PDE1C: variants seen among roughly 807,000 people sequenced by gnomAD.
The protein encoded by PDE1C is dual specificity calcium/calmodulin-dependent 3',5'-cyclic nucleotide phosphodiesterase 1C.
In PDE1C, 62 loss-of-function variants were observed where a neutral mutation model predicts 93.1. That is an observed-to-expected ratio of 0.67 (90% CI 0.54 to 0.82). The LOEUF (loss-of-function observed/expected upper bound fraction) is 0.82. Ranked by LOEUF, PDE1C falls within the 40% of genes least tolerant of loss-of-function variation. The pLI, the probability that PDE1C is intolerant of heterozygous loss-of-function variation, is 0.00. For missense variants in PDE1C, 742 were observed against 884.6 expected, an observed-to-expected ratio of 0.84 and a Z score of 2.04; for synonymous variants, 325 against 310.1, an observed-to-expected ratio of 1.05 and a Z score of -0.50.
chr7:32,030,110 C>CACACACACAT (rs1790116995), intron 2 of PDE1C, among the ~76,000 whole-genome samples: 1 of 150,126 alleles, frequency 6.7e-6, no homozygotes, highest in East Asian at 1.9e-4. Flanking sequence ...CACACACACA[C>CACACACACAT]ACACACACAC....
At chr7:31,761,806 C>T (rs1054179964) in intron 17 of PDE1C, among the ~76,000 whole-genome samples, 11 of 152,240 alleles carry the variant, frequency 7.2e-5, no homozygotes, top group Non-Finnish European at 1.3e-4. Flanking sequence ...TCTTCATCTT[C>T]CATGAGCTAT....
intron 2 of PDE1C, among the ~76,000 whole-genome samples, chr7:32,010,424 T>C (rs750955779): frequency 6.6e-6 from 1 of 152,190 alleles, no homozygotes; most frequent in Non-Finnish European, 1.5e-5. Context: ...AGGCTGAAAC[T>C]ACCGGATTTC....
intron 3 of PDE1C, among the ~76,000 whole-genome samples, chr7:32,083,431 G>T (rs1186559779): frequency 6.6e-6 from 1 of 152,090 alleles, no homozygotes; most frequent in Non-Finnish European, 1.5e-5. Flanking sequence ...CACTCTGCAG[G>T]ATATTATCCA....
intron 16 of PDE1C, among the ~76,000 whole-genome samples, chr7:31,799,717 C>G (rs547624657): frequency 2.0e-5 from 3 of 151,576 alleles, no homozygotes; most frequent in Non-Finnish European, 4.4e-5. Flanking sequence ...ACGCAATAAC[C>G]CTTTTGATCA....
At chr7:31,967,918 C>T (rs1810283552) in intron 2 of PDE1C, among the ~76,000 whole-genome samples, 1 of 152,142 alleles carries the variant, frequency 6.6e-6, no homozygotes, top group Non-Finnish European at 1.5e-5. Flanking sequence ...ATGCTTCATG[C>T]TAAAAACTCT....
chr7:32,236,397 A>C (rs1160253626), intron 1 of PDE1C, among the ~76,000 whole-genome samples: 1 of 152,206 alleles, frequency 6.6e-6, no homozygotes, highest in African/African-American at 2.4e-5. Context: ...AATATTTGCA[A>C]ATGACATATA....
chr7:31,686,901 T>C, the PDE1C span: 2 of 152,200 alleles, frequency 1.3e-5, no homozygotes, highest in Admixed American at 1.3e-4. Flanking sequence ...GTGGCCTCTC[T>C]TGGGCATATC....
chr7:31,623,585 G>A, the PDE1C span, among the ~76,000 whole-genome samples: 6 of 150,478 alleles, frequency 4.0e-5, no homozygotes, highest in African/African-American at 1.5e-4. Flanking sequence ...CAATAAATTA[G>A]GTATTGATGG....
At chr7:31,963,639 A>T (rs906055950) in intron 2 of PDE1C, among the ~76,000 whole-genome samples, 1 of 152,200 alleles carries the variant, frequency 6.6e-6, no homozygotes, top group East Asian at 1.9e-4. Context: ...AAGAAAACCA[A>T]AAAAGATTTT....
At chr7:31,991,980 T>C (rs1275748996) in intron 2 of PDE1C, among the ~76,000 whole-genome samples, 1 of 152,188 alleles carries the variant, frequency 6.6e-6, no homozygotes, top group Non-Finnish European at 1.5e-5. Context: ...CGGGTTCCTA[T>C]TGGTTCCAGA....
At chr7:32,298,831 C>A in exon 1 of PDE1C, 1 of 1,436,790 alleles carries the variant, frequency 7.0e-7, no homozygotes, top group Non-Finnish European at 9.1e-7. Context: ...GGCGGCGAAT[C>A]CTCCCCCGGC....
chr7:31,910,905 A>G (rs951339743), intron 2 of PDE1C, among the ~76,000 whole-genome samples: 1 of 152,194 alleles, frequency 6.6e-6, no homozygotes, highest in African/African-American at 2.4e-5. Flanking sequence ...ACTTCAAAAC[A>G]ATTGTGGTGC....
At chr7:31,894,919 A>G (rs1799087403) in intron 2 of PDE1C, among the ~76,000 whole-genome samples, 2 of 151,998 alleles carry the variant, frequency 1.3e-5, no homozygotes, top group Non-Finnish European at 2.9e-5. Context: ...GAGGCAAGAG[A>G]TTGTTAGACA....
At chr7:31,994,949 C>A (rs941787511) in intron 2 of PDE1C, among the ~76,000 whole-genome samples, 2 of 152,090 alleles carry the variant, frequency 1.3e-5, no homozygotes, top group African/African-American at 2.4e-5. Context: ...GTAGTAAAAG[C>A]CTTTCTACAA....
chr7:32,206,512 C>T (rs903075197), intron 2 of PDE1C, among the ~76,000 whole-genome samples: 3 of 152,196 alleles, frequency 2.0e-5, no homozygotes, highest in Non-Finnish European at 4.4e-5. Context: ...CCACAGCCAG[C>T]TGACTTCATC....
At chr7:32,194,160 C>T (rs969939720) in intron 2 of PDE1C, among the ~76,000 whole-genome samples, 8 of 152,070 alleles carry the variant, frequency 5.3e-5, no homozygotes, top group East Asian at 1.9e-4. Context: ...GTGATCTGCC[C>T]GCCTCGGCCT....
chr7:32,049,096 T>A (rs1792997929), intron 2 of PDE1C, among the ~76,000 whole-genome samples: 2 of 152,242 alleles, frequency 1.3e-5, no homozygotes, highest in African/African-American at 2.4e-5. Context: ...CATGTGAAAA[T>A]GATAAATTAC....
At chr7:31,976,368 CAT>C (rs919988471) in intron 2 of PDE1C, among the ~76,000 whole-genome samples, 9 of 152,136 alleles carry the variant, frequency 5.9e-5, no homozygotes, top group African/African-American at 1.9e-4. Flanking sequence ...TGTTACAAAG[CAT>C]AAGAGGACTG....
intron 1 of PDE1C, among the ~76,000 whole-genome samples, chr7:32,226,689 T>G (rs142924144): frequency 6.6e-6 from 1 of 152,178 alleles, no homozygotes; most frequent in East Asian, 1.9e-4. Flanking sequence ...TTGGAGACCA[T>G]GCCCACTGCA....
Sources: allele counts gnomAD v4.1 joint callset (sites outside exome capture counted in the v4.1 genomes callset), GRCh38; gene constraint gnomAD v4.1.1; transcripts MANE v1.5; gene names NCBI Gene and HGNC (gene_info 2026-07-23, HGNC 2026-07-21).